Variants in UBR3 observed in about 807,000 individuals in gnomAD.
The protein encoded by UBR3 is ubiquitin protein ligase E3 component n-recognin 3.
UBR3 carries 85 observed loss-of-function variants against 243.2 expected under a neutral mutation model. That is an observed-to-expected ratio of 0.35 (90% CI 0.29 to 0.42). The LOEUF (loss-of-function observed/expected upper bound fraction) is 0.42, where lower values mean the gene tolerates loss of function less well. Among genes scored for constraint, UBR3 ranks in the 10% least tolerant of loss-of-function variants. UBR3 has a pLI of 1.00. For synonymous variants in UBR3, 748 were observed against 799.8 expected (o/e 0.94, Z 1.09); for missense variants, 1,686 against 2,300.8 (o/e 0.73, Z 5.47).
chr2:169,891,271 G>C, intron 6 of UBR3, 40 bp downstream of exon 6: 2 of 1,480,148 alleles, frequency 1.4e-6, no homozygotes, highest in Non-Finnish European at 1.8e-6. Context: ...TGAATAAAAT[G>C]CTTCTAAAAA....
At chr2:169,838,434 TGTGTG>T in intron 1 of UBR3, among the ~76,000 whole-genome samples, 1 of 132,526 alleles carries the variant, frequency 7.5e-6, no homozygotes, top group Non-Finnish European at 1.7e-5. Flanking sequence ...TGTGTGTGTG[TGTGTG>T]TGTGTGTGTC....
At chr2:169,916,957 C>A (rs562510481) in intron 11 of UBR3, among the ~76,000 whole-genome samples, 18 of 152,062 alleles carry the variant, frequency 1.2e-4, no homozygotes, top group Non-Finnish European at 2.4e-4. Flanking sequence ...AGTTTCCTAA[C>A]CTTTAGATGC....
chr2:169,940,651 G>C (rs1039610978), intron 19 of UBR3, among the ~76,000 whole-genome samples: 4 of 151,970 alleles, frequency 2.6e-5, no homozygotes, highest in Admixed American at 6.6e-5. Context: ...ATGTTTTTCT[G>C]GCTCTCATTT....
intron 31 of UBR3, among the ~76,000 whole-genome samples, chr2:170,038,226 G>A (rs537396539): frequency 8.1e-4 from 124 of 152,256 alleles, no homozygotes; most frequent in African/African-American, 2.9e-3. Flanking sequence ...GTGCAATAAA[G>A]TACAGCTTTG....
chr2:169,891,311 C>T (rs1574136609), intron 6 of UBR3, 80 bp downstream of exon 6: 244 of 1,042,328 alleles, frequency 2.3e-4, no homozygotes. Flanking sequence ...ACTTGATGGG[C>T]TAGCCATACT....
chr2:169,926,662 A>G, intron 14 of UBR3, 30 bp from the exon 15 acceptor site: 1 of 1,511,142 alleles, frequency 6.6e-7, no homozygotes, highest in Non-Finnish European at 8.9e-7. Flanking sequence ...CTGAATATTG[A>G]GAAATAAAGC....
chr2:170,017,453 G>A (rs1451597858), intron 30 of UBR3, among the ~76,000 whole-genome samples: 2 of 151,578 alleles, frequency 1.3e-5, no homozygotes, highest in Non-Finnish European at 2.9e-5. Context: ...CTGAAAATTT[G>A]TCTAGTCAAG....
chr2:170,078,634 A>C (rs547724198), intron 36 of UBR3, among the ~76,000 whole-genome samples: 22 of 152,350 alleles, frequency 1.4e-4, no homozygotes, highest in African/African-American at 5.0e-4. Flanking sequence ...CATGATTTAA[A>C]ATACCACAGC....
chr2:169,972,625 A>G (rs1168145939), intron 24 of UBR3, among the ~76,000 whole-genome samples: 1 of 152,234 alleles, frequency 6.6e-6, no homozygotes, highest in Non-Finnish European at 1.5e-5. Context: ...CAAATCAATA[A>G]ATGTAATCCA....
chr2:170,008,293 CAG>C (rs2089983423), intron 28 of UBR3, among the ~76,000 whole-genome samples: 1 of 152,152 alleles, frequency 6.6e-6, no homozygotes, highest in African/African-American at 2.4e-5. Context: ...ACTTTTGAAA[CAG>C]AAATGCATAC....
chr2:169,905,800 G>GTTTA (rs765597785), intron 9 of UBR3, among the ~76,000 whole-genome samples: 3 of 152,176 alleles, frequency 2.0e-5, no homozygotes, highest in Non-Finnish European at 4.4e-5. Flanking sequence ...AAGATATTCA[G>GTTTA]TTTATTACAT....
In UBR3 at chr2:169,950,009, T is replaced by C. The variant is rs1455710785; in HGVS notation, c.3489T>C (p.Pro1163=). 1 of 1,596,880 alleles carries C rather than the reference T, an allele frequency of 6.3e-7. No homozygotes were observed. The highest frequency in any genetic ancestry group is 1.4e-5 in the African/African-American group (1 of 73,818). ...IEEICRKVTP[P]VPPKKVTAAE... ...AGATATGTAGAAAAGTGACCCCTCCTGTACCACCTAAAAAAGTCACTGCAG... is the reference window on the plus strand; with the variant it reads ...AGATATGTAGAAAAGTGACCCCTCCCGTACCACCTAAAAAAGTCACTGCAG... Residue 1163 remains proline (P), a synonymous_variant, in exon 23 of 39, where the codon CCT becomes CCC. Coordinates refer to ENST00000272793, the MANE Select transcript of UBR3 (RefSeq NM_172070.4).
intron 24 of UBR3, among the ~76,000 whole-genome samples, chr2:169,973,388 C>G (rs2088267363): frequency 6.8e-6 from 1 of 147,776 alleles, no homozygotes; most frequent in Admixed American, 6.8e-5. Context: ...CTACCAATGC[C>G]TTTCTTCACA....
chr2:170,039,389 T>G (rs1574435003), intron 31 of UBR3, among the ~76,000 whole-genome samples: 1 of 152,228 alleles, frequency 6.6e-6, no homozygotes, highest in East Asian at 1.9e-4. Flanking sequence ...CCCTACACTT[T>G]TTTTTTTTAG....
intron 1 of UBR3, among the ~76,000 whole-genome samples, chr2:169,865,481 C>T (rs574877399): frequency 2.6e-5 from 4 of 152,290 alleles, no homozygotes; most frequent in African/African-American, 7.2e-5. Flanking sequence ...TCTTCTGATA[C>T]ACTTCTGTAA....
At chr2:169,918,278 T>G (rs75041229) in intron 11 of UBR3, among the ~76,000 whole-genome samples, 8,551 of 151,366 alleles carry the variant, frequency 0.056, 290 homozygotes, top group Non-Finnish European at 0.083. Flanking sequence ...GGACAGATTT[T>G]TTTAAGTTTA....
intron 1 of UBR3, among the ~76,000 whole-genome samples, chr2:169,847,079 CTGTGTGTGTGTGTGTG>C (rs769261518): frequency 8.1e-6 from 1 of 123,708 alleles, no homozygotes; most frequent in Non-Finnish European, 1.7e-5. Context: ...TTTTCTTAAA[CTGTGTGTGTGTGTGTG>C]TGTGTGTGTG....
intron 5 of UBR3, among the ~76,000 whole-genome samples, chr2:169,881,765 TTA>T (rs1220931974): frequency 1.4e-4 from 19 of 137,896 alleles, no homozygotes; most frequent in Non-Finnish European, 2.8e-4. Context: ...TATTAATAAA[TTA>T]TATATAATAT....
intron 20 of UBR3, among the ~76,000 whole-genome samples, 170 bp from the exon 21 acceptor site, chr2:169,946,118 C>T (rs181703590): frequency 5.3e-5 from 8 of 151,866 alleles, no homozygotes; most frequent in East Asian, 1.9e-4. Context: ...TACTTATATT[C>T]GTATGAATTT....
Sources: gnomAD v4.1 joint callset for allele counts (sites outside exome capture counted in the v4.1 genomes callset) on GRCh38, gnomAD v4.1.1 for gene constraint, MANE v1.5 for transcripts, NCBI Gene and HGNC (gene_info 2026-07-23, HGNC 2026-07-21) for gene names.